The following NTAQ1 variants were observed in gnomAD, a reference collection of about 807,000 sequenced individuals.
NTAQ1 encodes N-terminal glutamine amidase 1, also known as protein N-terminal glutamine amidohydrolase.
A neutral mutation model predicts 28.2 loss-of-function variants in NTAQ1; 21 were observed. The ratio of observed to expected loss-of-function variants is 0.74; its 90% CI spans 0.53 to 1.07. NTAQ1 has a LOEUF of 1.07. NTAQ1 is among the 50% of genes least tolerant of loss of function. The pLI is 0.00. For synonymous variants in NTAQ1, 105 were observed against 90.0 expected (o/e 1.17, Z -0.94); for missense variants, 264 against 256.6 (o/e 1.03, Z -0.20).
chr8:123,458,727 T>C (rs1815729348), intron 6 of NTAQ1, among the ~76,000 whole-genome samples: 1 of 151,470 alleles, frequency 6.6e-6, no homozygotes, highest in South Asian at 2.1e-4. Context: ...GTCACACCAT[T>C]CTCCTGCCTC....
At chr8:123,443,939 G>A (rs1815173687), downstream of NTAQ1, among the ~76,000 whole-genome samples, 1 of 151,968 alleles carries the variant, frequency 6.6e-6, no homozygotes, top group Admixed American at 6.6e-5. Flanking sequence ...CTGGATTTCT[G>A]TCATTTTTAA....
intron 3 of NTAQ1, among the ~76,000 whole-genome samples, chr8:123,432,142 G>A (rs1814435679): frequency 6.6e-6 from 1 of 152,190 alleles, no homozygotes; most frequent in South Asian, 2.1e-4. Context: ...CCAGTGAGTA[G>A]TAGTGAGTAA....
At chr8:123,473,081 C>T (rs574083341), downstream of NTAQ1, among the ~76,000 whole-genome samples, 1 of 152,004 alleles carries the variant, frequency 6.6e-6, no homozygotes, top group Non-Finnish European at 1.5e-5. Flanking sequence ...AGTTAGTTTA[C>T]TTTTTTTGCA....
intron 3 of NTAQ1, among the ~76,000 whole-genome samples, chr8:123,435,132 G>T (rs1370736160): frequency 6.6e-6 from 1 of 152,142 alleles, no homozygotes; most frequent in Non-Finnish European, 1.5e-5. Context: ...TCACAGTGCT[G>T]TTCTCTATGA....
rs937189949 is a variant in NTAQ1 at position 123,417,037 on chromosome 8, T to C, written c.83+105T>C. The C allele has an allele frequency of 5.1e-6, 6 of 1,165,832 alleles. No individual in the cohort carries two copies. In the African/African-American group the frequency reaches 8.1e-5, roughly 16 times the overall value. The allele number at this position is 1,165,832 out of a possible 1,614,324, so 72.2% of individuals were successfully genotyped here. On this transcript the variant is annotated intron_variant, in intron 1 of 5. Coordinates refer to ENST00000287387, the MANE Select transcript of NTAQ1 (RefSeq NM_018024.3). ...CCCCTCCTCGGGGGCGCTCCCGGCCTCTACCGGCGGGTTCTACAGTTTTGC... is the reference window on the plus strand; with the variant it reads ...CCCCTCCTCGGGGGCGCTCCCGGCCCCTACCGGCGGGTTCTACAGTTTTGC...
chr8:123,437,166 A>T, intron 4 of NTAQ1, 44 bp from the exon 5 acceptor site: 1 of 1,600,874 alleles, frequency 6.2e-7, no homozygotes, highest in South Asian at 1.1e-5. Flanking sequence ...AGAATTTCAA[A>T]CATGACATCT....
chr8:123,445,361 TTTTAAA>T (rs1340953608), downstream of NTAQ1, among the ~76,000 whole-genome samples: 1 of 152,182 alleles, frequency 6.6e-6, no homozygotes, highest in Admixed American at 6.6e-5. Flanking sequence ...ACATTTTACT[TTTTAAA>T]GTTAATATAT....
chr8:123,461,020 A>G (rs1815808633), intron 6 of NTAQ1, among the ~76,000 whole-genome samples: 1 of 152,126 alleles, frequency 6.6e-6, no homozygotes, highest in African/African-American at 2.4e-5. Context: ...CAGGTGGTGT[A>G]TGGATGCTGT....
intron 3 of NTAQ1, among the ~76,000 whole-genome samples, chr8:123,434,665 A>T (rs1345744017): frequency 6.6e-6 from 1 of 152,120 alleles, no homozygotes; most frequent in Non-Finnish European, 1.5e-5. Flanking sequence ...GAATTAGAAG[A>T]TGTTAAGAGA....
chr8:123,433,558 G>A (rs184936676), intron 3 of NTAQ1, among the ~76,000 whole-genome samples: 4 of 152,024 alleles, frequency 2.6e-5, no homozygotes, highest in African/African-American at 7.2e-5. Context: ...AGTGATTCTC[G>A]TGCCTCAGCC....
At chr8:123,417,594 C>G (rs1237207520) in intron 1 of NTAQ1, among the ~76,000 whole-genome samples, 2 of 152,124 alleles carry the variant, frequency 1.3e-5, no homozygotes, top group African/African-American at 4.8e-5. Flanking sequence ...AGCTGAAGTA[C>G]CGCCCTTGCC....
chr8:123,460,129 A>G (rs1478985941), intron 6 of NTAQ1, among the ~76,000 whole-genome samples: 2 of 152,118 alleles, frequency 1.3e-5, no homozygotes, highest in Non-Finnish European at 2.9e-5. Flanking sequence ...TTCACAGCAG[A>G]TATCTCTTGA....
At chr8:123,424,596 A>G (rs1381941968) in intron 1 of NTAQ1, among the ~76,000 whole-genome samples, 1 of 144,692 alleles carries the variant, frequency 6.9e-6, no homozygotes, top group Non-Finnish European at 1.5e-5. Context: ...CTGGTCTTGA[A>G]CTCCCAACCT....
chr8:123,422,085 A>G (rs1029117386), intron 1 of NTAQ1, among the ~76,000 whole-genome samples: 1 of 139,866 alleles, frequency 7.1e-6, no homozygotes, highest in Non-Finnish European at 1.5e-5. Context: ...CAAAGTGCTG[A>G]GATTATAGAT....
At chr8:123,445,688 C>T (rs1263936182), downstream of NTAQ1, among the ~76,000 whole-genome samples, 1 of 152,160 alleles carries the variant, frequency 6.6e-6, no homozygotes, top group African/African-American at 2.4e-5. Context: ...TCATTGTAGC[C>T]TCCGCCTCCC....
downstream of NTAQ1, among the ~76,000 whole-genome samples, chr8:123,442,596 G>GAAA (rs80278009): frequency 2.4e-5 from 3 of 124,988 alleles, no homozygotes; most frequent in African/African-American, 9.0e-5. Context: ...CTCCATCTCA[G>GAAA]AAAAAAAAAA....
chr8:123,438,308 A>G (rs776935397), intron 5 of NTAQ1: 2 of 636,180 alleles, frequency 3.1e-6, no homozygotes, highest in Non-Finnish European at 5.7e-6. Context: ...AGTCTGTGTG[A>G]AAGTGCTCTG....
At chr8:123,443,428 G>T (rs1815154523), downstream of NTAQ1, among the ~76,000 whole-genome samples, 2 of 152,236 alleles carry the variant, frequency 1.3e-5, no homozygotes, top group South Asian at 2.1e-4. Context: ...TCACAGGGTT[G>T]TAACACTACC....
chr8:123,423,091 G>C (rs1312454548), intron 1 of NTAQ1, among the ~76,000 whole-genome samples: 3 of 152,186 alleles, frequency 2.0e-5, no homozygotes, highest in Non-Finnish European at 4.4e-5. Flanking sequence ...GACGCCTACA[G>C]CTTTGTTCTT....
Sources: gnomAD v4.1 joint callset for allele counts (sites outside exome capture counted in the v4.1 genomes callset) on GRCh38, gnomAD v4.1.1 for gene constraint, MANE v1.5 for transcripts, NCBI Gene and HGNC (gene_info 2026-07-23, HGNC 2026-07-21) for gene names.